The following NELL1 variants were observed in gnomAD, a reference collection of about 807,000 sequenced individuals.
The protein encoded by NELL1 is neural EGFL like 1, also known as protein kinase C-binding protein NELL1.
In NELL1, 76 loss-of-function variants were observed where a neutral mutation model predicts 107.4. The ratio of observed to expected loss-of-function variants is 0.71; its 90% CI spans 0.59 to 0.86. The LOEUF is 0.86. NELL1 is among the 40% of genes least tolerant of loss of function. The probability of loss-of-function intolerance (pLI) is 0.00; values close to 1 mark genes in which losing one functional copy is unlikely to be tolerated. For missense variants in NELL1, 1,024 were observed against 1,005.5 expected, an observed-to-expected ratio of 1.02 and a Z score of -0.25; for synonymous variants, 353 against 341.2, an observed-to-expected ratio of 1.03 and a Z score of -0.38.
At chr11:21,265,383 G>A (rs1848615856) in intron 14 of NELL1, among the ~76,000 whole-genome samples, 1 of 151,978 alleles carries the variant, frequency 6.6e-6, no homozygotes, top group African/African-American at 2.4e-5. Flanking sequence ...ATTATATAAT[G>A]TGTATTCTCT....
chr11:21,113,737 G>T, intron 13 of NELL1, 23 bp downstream of exon 13: 1 of 1,605,804 alleles, frequency 6.2e-7, no homozygotes, highest in Non-Finnish European at 8.5e-7. Context: ...AAGCAGTGTT[G>T]TTTTTTTAAT....
intron 14 of NELL1, among the ~76,000 whole-genome samples, chr11:21,252,778 T>A (rs1565131734): frequency 6.6e-6 from 1 of 152,148 alleles, no homozygotes; most frequent in Non-Finnish European, 1.5e-5. Context: ...TCAGGATAAG[T>A]AAGAAGGTCA....
intron 14 of NELL1, among the ~76,000 whole-genome samples, chr11:21,270,871 G>T (rs949869724): frequency 6.6e-6 from 1 of 152,092 alleles, no homozygotes; most frequent in Non-Finnish European, 1.5e-5. Flanking sequence ...ATCAATAACA[G>T]CTGGAGAACT....
intron 3 of NELL1, among the ~76,000 whole-genome samples, chr11:20,797,617 C>T (rs901316298): frequency 6.8e-5 from 10 of 146,020 alleles, no homozygotes; most frequent in African/African-American, 2.3e-4. Flanking sequence ...ATTCTAGAAT[C>T]GAGATCCTAG....
intron 13 of NELL1, among the ~76,000 whole-genome samples, chr11:21,168,414 T>G (rs1856531015): frequency 1.3e-5 from 2 of 151,930 alleles, no homozygotes; most frequent in Non-Finnish European, 2.9e-5. Context: ...ATGTATAATA[T>G]TCTTTCAAGT....
intron 15 of NELL1, among the ~76,000 whole-genome samples, chr11:21,531,700 C>T (rs1018019570): frequency 5.9e-5 from 9 of 152,104 alleles, no homozygotes; most frequent in Non-Finnish European, 1.3e-4. Flanking sequence ...AGTAATTTAT[C>T]AGAATTCCTT....
At chr11:21,407,694 CTT>C (rs560297119) in intron 15 of NELL1, among the ~76,000 whole-genome samples, 18 of 137,186 alleles carry the variant, frequency 1.3e-4, no homozygotes, top group Non-Finnish European at 1.4e-4. Flanking sequence ...TCCAAATTAC[CTT>C]TTTTTTTTTT....
intron 15 of NELL1, among the ~76,000 whole-genome samples, chr11:21,448,524 C>A (rs191638789): frequency 6.6e-6 from 1 of 152,146 alleles, no homozygotes; most frequent in South Asian, 2.1e-4. Flanking sequence ...CCTAAGTAAA[C>A]ACACATGTGG....
At chr11:21,010,216 C>G (rs944757941) in intron 12 of NELL1, among the ~76,000 whole-genome samples, 1 of 152,096 alleles carries the variant, frequency 6.6e-6, no homozygotes, top group African/African-American at 2.4e-5. Flanking sequence ...TATTCCTCCC[C>G]TAAGAAGTTT....
At chr11:21,293,166 G>A (rs1228226681) in intron 14 of NELL1, among the ~76,000 whole-genome samples, 2 of 152,016 alleles carry the variant, frequency 1.3e-5, no homozygotes, top group African/African-American at 4.8e-5. Context: ...GAAAATTTTT[G>A]CAATCTATCC....
chr11:20,919,625 A>G (rs1850334230), intron 7 of NELL1, among the ~76,000 whole-genome samples: 1 of 152,084 alleles, frequency 6.6e-6, no homozygotes, highest in South Asian at 2.1e-4. Context: ...CCTATTGGCT[A>G]TTAAAGTAGT....
At chr11:20,995,269 G>T (rs1852064195) in intron 12 of NELL1, among the ~76,000 whole-genome samples, 1 of 151,286 alleles carries the variant, frequency 6.6e-6, no homozygotes, top group South Asian at 2.1e-4. Flanking sequence ...ATAACTAAGA[G>T]TTAGAAGAAG....
chr11:21,286,850 G>C (rs1348808739), intron 14 of NELL1, among the ~76,000 whole-genome samples: 7 of 152,060 alleles, frequency 4.6e-5, no homozygotes, highest in Non-Finnish European at 2.9e-5. Context: ...ATAATGGCTG[G>C]TACATAATGC....
chr11:21,468,192 G>T (rs1413996520), intron 15 of NELL1, among the ~76,000 whole-genome samples: 2 of 151,882 alleles, frequency 1.3e-5, no homozygotes, highest in African/African-American at 4.8e-5. Context: ...TACCATCAAT[G>T]GTCTGGCCAT....
At chr11:21,084,424 A>G (rs1285759971) in intron 12 of NELL1, among the ~76,000 whole-genome samples, 1 of 152,194 alleles carries the variant, frequency 6.6e-6, no homozygotes, top group East Asian at 1.9e-4. Context: ...GAGATAATGA[A>G]TACTTTCTAA....
chr11:21,534,581 A>G lies in NELL1; in HGVS notation c.1786+67A>G, dbSNP rs1426467457. ...TGCAGGAGGTGTGGCTTGCTTTGGTACTCTGTTCAGCTCCCAGTGTTAAAA... is the reference window on the plus strand; with the variant it reads ...TGCAGGAGGTGTGGCTTGCTTTGGTGCTCTGTTCAGCTCCCAGTGTTAAAA... On this transcript the variant is annotated intron_variant, in intron 16 of 19. Coordinates refer to ENST00000357134, the MANE Select transcript of NELL1 (RefSeq NM_006157.5). 11 of 1,533,532 alleles carry G rather than the reference A, an allele frequency of 7.2e-6. No individual in the cohort carries two copies. The African/African-American group carries it at 1.5e-4, about 21-fold the overall frequency. 95.0% of individuals were successfully genotyped at this position (1,533,532 alleles called of 1,614,324 possible).
chr11:20,690,344 T>G (rs1191346144), intron 2 of NELL1, among the ~76,000 whole-genome samples: 4 of 152,370 alleles, frequency 2.6e-5, no homozygotes, highest in South Asian at 2.1e-4. Context: ...GTTTTAGACA[T>G]GAAGTCCTTG....
chr11:21,143,005 T>C (rs919396451), intron 13 of NELL1, among the ~76,000 whole-genome samples: 2 of 152,162 alleles, frequency 1.3e-5, no homozygotes, highest in African/African-American at 4.8e-5. Flanking sequence ...AGTAGAAATA[T>C]ATGCTGATGA....
intron 15 of NELL1, among the ~76,000 whole-genome samples, chr11:21,479,348 A>G (rs926754874): frequency 3.3e-5 from 5 of 151,472 alleles, no homozygotes; most frequent in Admixed American, 2.0e-4. Context: ...CTGAAATAGC[A>G]TTCAGCCATA....
Sources: gnomAD v4.1 joint callset for allele counts (sites outside exome capture counted in the v4.1 genomes callset) on GRCh38, gnomAD v4.1.1 for gene constraint, MANE v1.5 for transcripts, NCBI Gene and HGNC (gene_info 2026-07-23, HGNC 2026-07-21) for gene names.